The following FGF14 variants were observed in gnomAD, a reference collection of about 807,000 sequenced individuals.
FGF14 encodes fibroblast growth factor homologous factor 4.
FGF14 carries 5 observed loss-of-function variants against 25.5 expected under a neutral mutation model. That is an observed-to-expected ratio of 0.20 (90% CI 0.10 to 0.41). FGF14 has a LOEUF of 0.41. FGF14 is among the 10% of genes least tolerant of loss of function. The pLI is 1.00. For synonymous variants in FGF14, 138 were observed against 118.3 expected (o/e 1.17, Z -1.08); for missense variants, 222 against 320.1 (o/e 0.69, Z 2.34).
At chr13:102,012,659 A>C (rs2040141171) in intron 1 of FGF14, among the ~76,000 whole-genome samples, 1 of 152,304 alleles carries the variant, frequency 6.6e-6, no homozygotes, top group East Asian at 1.9e-4. Flanking sequence ...TTAAAAGTAA[A>C]GTTGTGTGGT....
At chr13:102,262,870 C>T (rs2052785130) in intron 1 of FGF14, among the ~76,000 whole-genome samples, 1 of 152,176 alleles carries the variant, frequency 6.6e-6, no homozygotes, top group African/African-American at 2.4e-5. Flanking sequence ...GTATTTATTA[C>T]TGAACCCAGC....
At chr13:101,779,866 G>C (rs2039379867) in intron 3 of FGF14, among the ~76,000 whole-genome samples, 1 of 152,156 alleles carries the variant, frequency 6.6e-6, no homozygotes, top group Non-Finnish European at 1.5e-5. Context: ...ATCTCTTAGA[G>C]AAACTGCATG....
intron 1 of FGF14, among the ~76,000 whole-genome samples, chr13:102,135,673 T>G (rs527547483): frequency 6.6e-6 from 1 of 152,332 alleles, no homozygotes; most frequent in Non-Finnish European, 1.5e-5. Context: ...TGTTTGTTTT[T>G]GGGACGGAGT....
intron 1 of FGF14, among the ~76,000 whole-genome samples, chr13:102,386,282 G>A (rs905015392): frequency 1.3e-5 from 2 of 151,760 alleles, no homozygotes; most frequent in Non-Finnish European, 2.9e-5. Flanking sequence ...ATAGGCATGT[G>A]CCACCAAGCC....
At chr13:101,973,869 T>C (rs915688441) in intron 1 of FGF14, among the ~76,000 whole-genome samples, 1 of 152,224 alleles carries the variant, frequency 6.6e-6, no homozygotes, top group African/African-American at 2.4e-5. Context: ...GTATTAACCA[T>C]CACAATGAAG....
intron 1 of FGF14, among the ~76,000 whole-genome samples, chr13:101,968,660 G>C (rs932441407): frequency 1.5e-5 from 2 of 129,276 alleles, no homozygotes; most frequent in East Asian, 5.2e-4. Flanking sequence ...GCGACAGAGC[G>C]AGACTCCGTC....
intron 1 of FGF14, among the ~76,000 whole-genome samples, chr13:101,903,880 G>C (rs1374864514): frequency 6.6e-6 from 1 of 152,126 alleles, no homozygotes; most frequent in Non-Finnish European, 1.5e-5. Flanking sequence ...TGAGTGTACG[G>C]AGTACAGGTG....
At chr13:102,078,450 A>T (rs566460868) in intron 1 of FGF14, among the ~76,000 whole-genome samples, 1 of 151,098 alleles carries the variant, frequency 6.6e-6, no homozygotes, top group Non-Finnish European at 1.5e-5. Flanking sequence ...AAAATAAAAA[A>T]CTTACAGTCT....
intron 1 of FGF14, among the ~76,000 whole-genome samples, chr13:102,076,772 C>G (rs1263361184): frequency 6.6e-6 from 1 of 151,990 alleles, no homozygotes; most frequent in African/African-American, 2.4e-5. Context: ...CAAAAAAAAT[C>G]TTAAGTTTTT....
At chr13:102,391,101 T>C (rs538546508) in intron 1 of FGF14, among the ~76,000 whole-genome samples, 1 of 152,356 alleles carries the variant, frequency 6.6e-6, no homozygotes, top group South Asian at 2.1e-4. Context: ...GTAAATCCAA[T>C]TGAATACTAA....
intron 3 of FGF14, among the ~76,000 whole-genome samples, chr13:101,862,694 G>T (rs1410982689): frequency 6.6e-6 from 1 of 152,040 alleles, no homozygotes; most frequent in Non-Finnish European, 1.5e-5. Flanking sequence ...ACGAATGCTG[G>T]ATGTTGAAAT....
intron 1 of FGF14, among the ~76,000 whole-genome samples, chr13:102,318,653 GAC>G (rs965859306): frequency 1.3e-5 from 2 of 152,084 alleles, no homozygotes; most frequent in African/African-American, 4.8e-5. Context: ...TTTGTGTAAG[GAC>G]ACAGTCATAT....
chr13:101,984,045 G>A (rs1051985030), intron 1 of FGF14, among the ~76,000 whole-genome samples: 2 of 152,092 alleles, frequency 1.3e-5, no homozygotes, highest in African/African-American at 4.8e-5. Flanking sequence ...ACATTACTTA[G>A]CTTCTCTTTC....
chr13:102,144,761 C>A (rs1257959423), intron 1 of FGF14, among the ~76,000 whole-genome samples: 1 of 152,106 alleles, frequency 6.6e-6, no homozygotes, highest in African/African-American at 2.4e-5. Context: ...AGAAGACTGA[C>A]AGGAGCTTGA....
At chr13:101,904,979 G>A (rs916643607) in intron 1 of FGF14, among the ~76,000 whole-genome samples, 1 of 152,186 alleles carries the variant, frequency 6.6e-6, no homozygotes, top group Admixed American at 6.5e-5. Context: ...TTGAAATCTT[G>A]TAGGAAAACT....
intron 3 of FGF14, among the ~76,000 whole-genome samples, chr13:101,856,827 A>G (rs1286153119): frequency 1.3e-5 from 2 of 152,064 alleles, no homozygotes; most frequent in East Asian, 3.9e-4. Flanking sequence ...CTATGTCTGA[A>G]ATACAGCTAG....
intron 3 of FGF14, among the ~76,000 whole-genome samples, chr13:101,756,857 C>G (rs2037701987): frequency 6.6e-6 from 1 of 152,130 alleles, no homozygotes; most frequent in South Asian, 2.1e-4. Flanking sequence ...CAGATTTTTT[C>G]TGTCAATAAT....
chr13:102,020,037 A>G (rs1216843481), intron 1 of FGF14, among the ~76,000 whole-genome samples: 1 of 152,170 alleles, frequency 6.6e-6, no homozygotes, highest in Non-Finnish European at 1.5e-5. Context: ...AAACATACAC[A>G]ATACACTCAT....
intron 1 of FGF14, among the ~76,000 whole-genome samples, chr13:101,968,309 A>T (rs1046799646): frequency 1.3e-5 from 2 of 152,210 alleles, no homozygotes; most frequent in African/African-American, 4.8e-5. Flanking sequence ...CAAGATACTG[A>T]ACAGTAACAA....
Sources: allele counts gnomAD v4.1 joint callset (sites outside exome capture counted in the v4.1 genomes callset), GRCh38; gene constraint gnomAD v4.1.1; transcripts MANE v1.5; gene names NCBI Gene and HGNC (gene_info 2026-07-23, HGNC 2026-07-21).